Variants in PLXNA4 observed in about 807,000 individuals in gnomAD.
PLXNA4 encodes the protein plexin-A4.
Under a neutral mutation model 191.8 loss-of-function variants are expected in PLXNA4, and 44 were observed. The observed-to-expected ratio is 0.23, with a 90% CI of 0.18 to 0.29. The LOEUF is 0.29. Among genes scored for constraint, PLXNA4 ranks in the 10% least tolerant of loss-of-function variants. The probability of loss-of-function intolerance (pLI) is 1.00; values close to 1 mark genes in which losing one functional copy is unlikely to be tolerated. For missense variants in PLXNA4, 1,800 were observed against 2,488.8 expected (o/e 0.72, Z 5.89); for synonymous variants, 1,082 against 1,009.5 (o/e 1.07, Z -1.36).
intron 1 of PLXNA4, among the ~76,000 whole-genome samples, chr7:132,563,626 CTCT>C (rs2116698718): frequency 1.6e-5 from 2 of 125,138 alleles, no homozygotes; most frequent in African/African-American, 3.1e-5. Context: ...CCTCCTCCTT[CTCT>C]TCCTCCTTCT....
At chr7:132,346,970 A>T (rs1237410278) in intron 3 of PLXNA4, among the ~76,000 whole-genome samples, 1 of 152,208 alleles carries the variant, frequency 6.6e-6, no homozygotes, top group Non-Finnish European at 1.5e-5. Context: ...GGGTCAGAGA[A>T]ATAAAGAAAA....
rs150476554 is a variant in PLXNA4 at position 132,505,514 on chromosome 7, G to A, written c.1188+1992C>T. Among the ~76,000 whole-genome samples the A allele has an allele frequency of 1.6e-3, 240 of 152,272 alleles. 1 individual carries two copies. The highest frequency in any genetic ancestry group is 5.1e-3 in the African/African-American group (213 of 41,548). ...AGTAAGTGCACAGTATAAACTTGCCGTCTTCTAACATAGGCCTGCATATGT... is the reference window on the plus strand; with the variant it reads ...AGTAAGTGCACAGTATAAACTTGCCATCTTCTAACATAGGCCTGCATATGT... On this transcript the variant is annotated intron_variant, in intron 2 of 31. Coordinates refer to ENST00000321063, the MANE Select transcript of PLXNA4 (RefSeq NM_020911.2).
chr7:132,415,872 C>A (rs925575202), intron 3 of PLXNA4, among the ~76,000 whole-genome samples: 1 of 152,072 alleles, frequency 6.6e-6, no homozygotes, highest in Non-Finnish European at 1.5e-5. Flanking sequence ...ACTACAGATA[C>A]CAAATTTAAC....
intron 30 of PLXNA4, among the ~76,000 whole-genome samples, chr7:132,134,040 G>T (rs1795045541): frequency 6.6e-6 from 1 of 152,196 alleles, no homozygotes; most frequent in South Asian, 2.1e-4. Context: ...CCATGCTGGA[G>T]AAAGTAAACC....
Position 132,412,133 on chromosome 7 carries a change from C to T in PLXNA4, c.1371+77159G>A, listed in dbSNP as rs557503488. Among the ~76,000 whole-genome samples the T allele has an allele frequency of 2.6e-5, 4 of 152,340 alleles. No homozygotes were observed. The South Asian group carries it at 8.3e-4, about 32-fold the overall frequency. Reference sequence around the variant, plus strand: ...TTCTTTAGGTCTCAGAGCAAACATTCCAGCCTTCCATTCTGAGTAGACCCC... The same window carrying T: ...TTCTTTAGGTCTCAGAGCAAACATTTCAGCCTTCCATTCTGAGTAGACCCC... On this transcript the variant is annotated intron_variant, in intron 3 of 31. Transcript: ENST00000321063.
chr7:132,285,807 T>C (rs1243997655), intron 4 of PLXNA4, among the ~76,000 whole-genome samples: 1 of 152,190 alleles, frequency 6.6e-6, no homozygotes, highest in Non-Finnish European at 1.5e-5. Flanking sequence ...GCTCATGGAA[T>C]TTAACTATTT....
intron 1 of PLXNA4, among the ~76,000 whole-genome samples, chr7:132,525,619 A>T (rs1799369557): frequency 6.6e-6 from 1 of 152,324 alleles, no homozygotes; most frequent in South Asian, 2.1e-4. Flanking sequence ...TTGCCAGTTC[A>T]TGGACACAGG....
intron 2 of PLXNA4, among the ~76,000 whole-genome samples, chr7:132,593,328 A>G (rs1449575728): frequency 6.6e-6 from 1 of 151,876 alleles, no homozygotes; most frequent in East Asian, 1.9e-4. Flanking sequence ...AAAAATCCAC[A>G]TAATGGTCAT....
chr7:132,604,579 T>A (rs1802887994), intron 2 of PLXNA4, among the ~76,000 whole-genome samples: 2 of 152,146 alleles, frequency 1.3e-5, no homozygotes, highest in Admixed American at 1.3e-4. Flanking sequence ...AACATCAACT[T>A]ATGTAATATA....
At chr7:132,394,435 A>G (rs1529763) in intron 3 of PLXNA4, among the ~76,000 whole-genome samples, 28,779 of 152,194 alleles carry the variant, frequency 0.19, 3,990 homozygotes, top group African/African-American at 0.37. Context: ...GCTCTGCCAC[A>G]AATAGGCTAT....
At chr7:132,434,148 A>C (rs1371892324) in intron 3 of PLXNA4, among the ~76,000 whole-genome samples, 2 of 152,210 alleles carry the variant, frequency 1.3e-5, no homozygotes, top group South Asian at 2.1e-4. Flanking sequence ...CTATTTCCTC[A>C]GTTTCTGACA....
intron 3 of PLXNA4, among the ~76,000 whole-genome samples, chr7:132,395,185 A>G (rs1027142675): frequency 6.6e-6 from 1 of 151,092 alleles, no homozygotes; most frequent in East Asian, 2.0e-4. Context: ...GTAGGTCTGG[A>G]CTGGAGTGGA....
intron 3 of PLXNA4, among the ~76,000 whole-genome samples, chr7:132,448,709 T>C (rs1263326154): frequency 2.0e-5 from 3 of 152,224 alleles, no homozygotes; most frequent in Non-Finnish European, 4.4e-5. Flanking sequence ...AGACCTAAAG[T>C]GGAGAAAACT....
chr7:132,187,505 C>T lies in PLXNA4; in HGVS notation c.2959G>A (p.Val987Met). The T allele has an allele frequency of 6.2e-7, 1 of 1,614,126 alleles. No homozygotes were observed. The highest frequency in any genetic ancestry group is 1.1e-5 in the South Asian group (1 of 91,080). Reference sequence around the variant, plus strand: ...AGACAGGGCTGCTTTCCAAACATCACCACCACGTTGCTTCCGGCATTCAGG... The same window carrying T: ...AGACAGGGCTGCTTTCCAAACATCATCACCACGTTGCTTCCGGCATTCAGG... ...TNLNAGSNVV[V>M]MFGKQPCLFH... Residue 987 changes from valine (V) to methionine (M), a missense_variant, in exon 15 of 32, where the codon GTG (valine) becomes ATG (methionine). Around this residue, in one of 6 missense-constraint regions of PLXNA4, gnomAD observed 1,397 missense variants for 1,880.4 expected, o/e 0.74. Coordinates refer to ENST00000321063, the MANE Select transcript of PLXNA4 (RefSeq NM_020911.2).
At position 132,434,266 on chromosome 7, in the gene PLXNA4, C is replaced by T. The variant is rs780749265; in HGVS notation, c.1371+55026G>A. 1.5e-4 allele frequency among the ~76,000 whole-genome samples: 23 copies of T among 152,336 alleles called. No homozygotes were observed. The Middle Eastern group carries it at 0.014, about 90-fold the overall frequency. ...TCTTTTGGCCACAGTGTGCACCCAG[C>T]TCCCGGTTCCATGGTTTTCTGGCCA... On this transcript the variant is annotated intron_variant, in intron 3 of 31. Coordinates refer to ENST00000321063, the MANE Select transcript of PLXNA4 (RefSeq NM_020911.2).
chr7:132,385,322 T>G (rs1267098158), intron 3 of PLXNA4: 1 of 1,597,426 alleles, frequency 6.3e-7, no homozygotes, highest in South Asian at 1.1e-5. Context: ...CTTAGCAGAC[T>G]TAGACCATGG....
intron 12 of PLXNA4, among the ~76,000 whole-genome samples, chr7:132,199,996 G>A (rs1797380742): frequency 6.6e-6 from 1 of 152,170 alleles, no homozygotes; most frequent in African/African-American, 2.4e-5. Flanking sequence ...AGGTCAGAGG[G>A]AGAGTCTGTG....
intron 8 of PLXNA4, among the ~76,000 whole-genome samples, chr7:132,224,566 G>A (rs113070826): frequency 1.3e-3 from 195 of 152,300 alleles, no homozygotes; most frequent in South Asian, 3.3e-3. Context: ...TGTGTCTAAT[G>A]AGCAACACAT....
In PLXNA4 at chr7:132,125,007, T is replaced by C. The variant is rs78261504; in HGVS notation, c.*5472A>G. 1 of 107,000 alleles carries C rather than the reference T, an allele frequency of 9.3e-6. No individual in the cohort carries two copies. Among genetic ancestry groups the C allele is most frequent in the Admixed American group, 9.4e-5 (1 of 10,676 alleles). The allele number at this position is 107,000 out of a possible 1,614,324, so 6.6% of individuals were successfully genotyped here. A position where few individuals can be genotyped will look rare whatever the true frequency, so the allele number is the denominator to read the frequency against. Reference sequence around the variant, plus strand: ...AACTTGGATACTCCCTCTAATAAAATAATTTTATGGGGGAGCAAAAATTTG... The same window carrying C: ...AACTTGGATACTCCCTCTAATAAAACAATTTTATGGGGGAGCAAAAATTTG... On this transcript the variant is annotated 3_prime_UTR_variant, in exon 32 of 32. Transcript: ENST00000321063.
Sources: allele counts gnomAD v4.1 joint callset (sites outside exome capture counted in the v4.1 genomes callset), GRCh38; gene constraint gnomAD v4.1.1; regional missense constraint gnomAD v4.1.1; transcripts MANE v1.5; gene names NCBI Gene and HGNC (gene_info 2026-07-23, HGNC 2026-07-21).